The following DAB1 variants were observed in gnomAD, a reference collection of about 807,000 sequenced individuals.
DAB1 encodes the protein disabled homolog 1.
Under a neutral mutation model 64.6 loss-of-function variants are expected in DAB1, and 15 were observed. The observed-to-expected ratio is 0.23, with a 90% CI of 0.16 to 0.36. DAB1 has a LOEUF of 0.36. Ranked by LOEUF, DAB1 falls within the 10% of genes least tolerant of loss-of-function variation. The probability of loss-of-function intolerance (pLI) is 1.00; values close to 1 mark genes in which losing one functional copy is unlikely to be tolerated. For missense variants in DAB1, 596 were observed against 706.7 expected (o/e 0.84, Z 1.78); for synonymous variants, 235 against 251.9 (o/e 0.93, Z 0.64).
intron 3 of DAB1, among the ~76,000 whole-genome samples, chr1:58,360,561 C>G (rs527341433): frequency 6.6e-6 from 1 of 152,080 alleles, no homozygotes; most frequent in Non-Finnish European, 1.5e-5. Context: ...AAATAACAGC[C>G]TTTCTTCCAC....
intron 4 of DAB1, among the ~76,000 whole-genome samples, chr1:58,185,212 C>A (rs1657009987): frequency 6.6e-6 from 1 of 152,146 alleles, no homozygotes; most frequent in Non-Finnish European, 1.5e-5. Context: ...CTCAAAGTAA[C>A]CCTTCCTATG....
chr1:57,423,553 G>A (rs1443378063), intron 1 of DAB1, among the ~76,000 whole-genome samples: 1 of 152,010 alleles, frequency 6.6e-6, no homozygotes, highest in Admixed American at 6.5e-5. Context: ...GCAGGCTCGA[G>A]GTCCGATATA....
chr1:57,063,147 A>G (rs1214965109), intron 8 of DAB1, among the ~76,000 whole-genome samples: 1 of 152,130 alleles, frequency 6.6e-6, no homozygotes. Context: ...GGGAGTGGGC[A>G]TCATTTAACA....
Position 57,620,048 on chromosome 1 carries a change from C to T in DAB1, n.625+29544G>A, listed in dbSNP as rs189256486. Among the ~76,000 whole-genome samples, 3 of 152,270 alleles carry T rather than the reference C, an allele frequency of 2.0e-5. No homozygotes were observed. In the East Asian group the frequency reaches 5.8e-4, roughly 29 times the overall value. On this transcript the variant is annotated intron_variant and non_coding_transcript_variant, in intron 7 of 20. Coordinates refer to the DAB1 transcript ENST00000485760. ...CTCGCCTTTACTGTATTTGTTACTTCGTTACTATCTGCCTGCTTCCAACAG... is the reference window on the plus strand; with the variant it reads ...CTCGCCTTTACTGTATTTGTTACTTTGTTACTATCTGCCTGCTTCCAACAG...
At chr1:58,140,668 T>C (rs541825938) in intron 5 of DAB1, among the ~76,000 whole-genome samples, 1 of 152,328 alleles carries the variant, frequency 6.6e-6, no homozygotes, top group South Asian at 2.1e-4. Flanking sequence ...ATGAAAGTAG[T>C]AGAGACTGTG....
At chr1:58,432,447 C>G (rs2100243029) in intron 3 of DAB1, among the ~76,000 whole-genome samples, 1 of 152,244 alleles carries the variant, frequency 6.6e-6, no homozygotes, top group Middle Eastern at 3.4e-3. Context: ...ATGGCTGATT[C>G]CTCACAAATA....
intron 1 of DAB1, among the ~76,000 whole-genome samples, chr1:57,322,790 A>G (rs1675826807): frequency 6.6e-6 from 1 of 152,194 alleles, no homozygotes; most frequent in Admixed American, 6.5e-5. Flanking sequence ...CAGCACTTAG[A>G]AAATGCTAAC....
At chr1:58,010,059 C>G (rs1248538393) in intron 5 of DAB1, among the ~76,000 whole-genome samples, 3 of 152,116 alleles carry the variant, frequency 2.0e-5, no homozygotes, top group Non-Finnish European at 2.9e-5. Context: ...CAGTAGCAGA[C>G]CTAGGAGTCA....
At chr1:57,419,033 G>C (rs536494415) in intron 1 of DAB1, among the ~76,000 whole-genome samples, 14 of 152,258 alleles carry the variant, frequency 9.2e-5, no homozygotes, top group Non-Finnish European at 1.9e-4. Flanking sequence ...CACAGATTCA[G>C]TTCAGTGTGA....
At chr1:57,880,394 A>G (rs1644126323) in intron 1 of DAB1, 1 of 152,114 alleles carries the variant, frequency 6.6e-6, no homozygotes, top group African/African-American at 2.4e-5. Context: ...TAGAACCATC[A>G]TGTTGTCATT....
intron 7 of DAB1, among the ~76,000 whole-genome samples, chr1:57,600,271 G>A (rs1323531802): frequency 6.6e-6 from 1 of 152,176 alleles, no homozygotes; most frequent in African/African-American, 2.4e-5. Context: ...GCTTGGTACA[G>A]AGTAGGAACT....
intron 1 of DAB1, among the ~76,000 whole-genome samples, chr1:57,314,779 C>A (rs1256605521): frequency 6.6e-6 from 1 of 150,964 alleles, no homozygotes; most frequent in African/African-American, 2.4e-5. Flanking sequence ...AACACACACA[C>A]ACACACAAAG....
At chr1:58,010,271 G>A (rs959258980) in intron 5 of DAB1, among the ~76,000 whole-genome samples, 1 of 152,100 alleles carries the variant, frequency 6.6e-6, no homozygotes, top group African/African-American at 2.4e-5. Flanking sequence ...AGACTTAGTT[G>A]GAAAGCAGCT....
At chr1:57,908,566 CA>C (rs1279874819) in intron 5 of DAB1, among the ~76,000 whole-genome samples, 1 of 152,134 alleles carries the variant, frequency 6.6e-6, no homozygotes, top group African/African-American at 2.4e-5. Flanking sequence ...GAGACTGACA[CA>C]GGCACAATCC....
At chr1:58,203,826 T>C (rs1185971888) in intron 4 of DAB1, among the ~76,000 whole-genome samples, 1 of 152,222 alleles carries the variant, frequency 6.6e-6, no homozygotes, top group Non-Finnish European at 1.5e-5. Context: ...GTTGACTATG[T>C]AGAGCTTTTT....
intron 7 of DAB1, among the ~76,000 whole-genome samples, chr1:57,542,212 T>C (rs1018393031): frequency 6.6e-6 from 1 of 152,098 alleles, no homozygotes; most frequent in Non-Finnish European, 1.5e-5. Flanking sequence ...GTGTTGTTTA[T>C]CTTCCTCCTG....
chr1:58,351,713 A>T (rs1240167556), intron 3 of DAB1, among the ~76,000 whole-genome samples: 1 of 151,464 alleles, frequency 6.6e-6, no homozygotes, highest in Non-Finnish European at 1.5e-5. Context: ...GGGCAGTAAC[A>T]TCACTGGGAA....
chr1:58,093,398 G>A (rs1321218406), intron 5 of DAB1, among the ~76,000 whole-genome samples: 2 of 152,166 alleles, frequency 1.3e-5, no homozygotes, highest in Non-Finnish European at 2.9e-5. Flanking sequence ...ACACAACCGG[G>A]AGGTAAGCAG....
At chr1:57,077,359 C>T (rs1163217277) in intron 4 of DAB1, among the ~76,000 whole-genome samples, 1 of 151,986 alleles carries the variant, frequency 6.6e-6, no homozygotes, top group Non-Finnish European at 1.5e-5. Flanking sequence ...ACCTTCTGAA[C>T]AGTAAGTGTT....
Sources: allele counts gnomAD v4.1 joint callset (sites outside exome capture counted in the v4.1 genomes callset), GRCh38; gene constraint gnomAD v4.1.1; transcripts MANE v1.5; gene names NCBI Gene and HGNC (gene_info 2026-07-23, HGNC 2026-07-21).